The following NFKB1 variants were observed in gnomAD, a reference collection of about 807,000 sequenced individuals.
NFKB1 encodes nuclear factor kappa B subunit 1.
In NFKB1, 9 loss-of-function variants were observed where a neutral mutation model predicts 105.1. That is an observed-to-expected ratio of 0.09 (90% CI 0.05 to 0.15). The LOEUF (loss-of-function observed/expected upper bound fraction) is 0.15. Among genes scored for constraint, NFKB1 ranks in the 10% least tolerant of loss-of-function variants. The probability of loss-of-function intolerance (pLI) is 1.00; values close to 1 mark genes in which losing one functional copy is unlikely to be tolerated. For synonymous variants in NFKB1, 440 were observed against 442.2 expected (o/e 1.00, Z 0.06); for missense variants, 830 against 1,203.7 (o/e 0.69, Z 4.59).
intron 5 of NFKB1, among the ~76,000 whole-genome samples, chr4:102,563,819 C>CTTTT (rs34134600): frequency 8.0e-5 from 10 of 124,586 alleles, no homozygotes; most frequent in African/African-American, 1.9e-4. Context: ...AAGCTTAACT[C>CTTTT]TTTTTTTTTT....
At chr4:102,590,980 T>G (rs1726121125) in intron 11 of NFKB1, among the ~76,000 whole-genome samples, 1 of 152,156 alleles carries the variant, frequency 6.6e-6, no homozygotes, top group Non-Finnish European at 1.5e-5. Context: ...AGAAAGGCCT[T>G]AACTCTCTTC....
intron 9 of NFKB1, among the ~76,000 whole-genome samples, chr4:102,581,883 T>C (rs944590203): frequency 2.0e-5 from 3 of 152,234 alleles, no homozygotes; most frequent in African/African-American, 7.2e-5. Context: ...CTAGGTCCAG[T>C]GTAGTCCTAC....
chr4:102,543,927 T>G (rs1028174347), intron 5 of NFKB1, among the ~76,000 whole-genome samples: 2 of 152,290 alleles, frequency 1.3e-5, no homozygotes, highest in African/African-American at 2.4e-5. Flanking sequence ...CCTAAGCTGT[T>G]CACTGCGCAA....
intron 16 of NFKB1, among the ~76,000 whole-genome samples, chr4:102,603,398 T>C (rs1727386503): frequency 6.6e-6 from 1 of 151,768 alleles, no homozygotes; most frequent in South Asian, 2.1e-4. Context: ...TTTTATATCC[T>C]AAACTCTTTA....
At chr4:102,506,587 C>T (rs1739430722) in intron 1 of NFKB1, among the ~76,000 whole-genome samples, 1 of 152,152 alleles carries the variant, frequency 6.6e-6, no homozygotes, top group East Asian at 1.9e-4. Context: ...AAAAGTTGGC[C>T]TTGAATTTCT....
At chr4:102,580,196 AGTCTTGACCTCATT>A (rs1317231214) in intron 8 of NFKB1, among the ~76,000 whole-genome samples, 2 of 152,210 alleles carry the variant, frequency 1.3e-5, no homozygotes, top group African/African-American at 4.8e-5. Context: ...TTGGAATTGA[AGTCTTGACCTCATT>A]GAAAGCCCAG....
At chr4:102,594,434 G>C (rs4648058) in intron 12 of NFKB1, among the ~76,000 whole-genome samples, 47,337 of 152,094 alleles carry the variant, frequency 0.31, 7,741 homozygotes, top group East Asian at 0.43. Context: ...CCAAAGAGTT[G>C]TACCAGTTTA....
At chr4:102,567,428 A>C (rs1293339980) in intron 6 of NFKB1, among the ~76,000 whole-genome samples, 1 of 152,218 alleles carries the variant, frequency 6.6e-6, no homozygotes. Context: ...CTTGACCTAC[A>C]AGGTATTTGT....
intron 6 of NFKB1, among the ~76,000 whole-genome samples, chr4:102,574,531 T>C (rs1405999939): frequency 6.6e-6 from 1 of 152,142 alleles, no homozygotes; most frequent in Non-Finnish European, 1.5e-5. Flanking sequence ...TTTAGCCTCC[T>C]TGGCTTCCTC....
At chr4:102,586,109 A>G (rs541741042) in intron 11 of NFKB1, among the ~76,000 whole-genome samples, 1 of 152,308 alleles carries the variant, frequency 6.6e-6, no homozygotes, top group South Asian at 2.1e-4. Context: ...ATGAGTCAGA[A>G]GAGTAATGCA....
At chr4:102,577,145 C>A in intron 7 of NFKB1, 106 bp downstream of exon 7, 1 of 1,148,974 alleles carries the variant, frequency 8.7e-7, no homozygotes, top group Non-Finnish European at 1.2e-6. Context: ...CTACCCCACA[C>A]TGCTGTCACC....
chr4:102,594,156 G>A (rs4648055), intron 12 of NFKB1, among the ~76,000 whole-genome samples: 37,912 of 152,050 alleles, frequency 0.25, 5,902 homozygotes, highest in East Asian at 0.43. Flanking sequence ...TAGGTGCAAC[G>A]TTTACCTGAG....
At chr4:102,551,365 T>TGC (rs35449997) in intron 5 of NFKB1, among the ~76,000 whole-genome samples, 64 of 127,608 alleles carry the variant, frequency 5.0e-4, no homozygotes, top group South Asian at 4.6e-3. Context: ...TGTGTGTGTG[T>TGC]GTGCGCGCGC....
chr4:102,551,963 A>G (rs1254543811), intron 5 of NFKB1, among the ~76,000 whole-genome samples: 2 of 152,224 alleles, frequency 1.3e-5, no homozygotes, highest in African/African-American at 2.4e-5. Flanking sequence ...GCATGCAAAG[A>G]GATCTAGGAG....
intron 20 of NFKB1, 84 bp from the exon 21 acceptor site, chr4:102,611,960 G>A (rs1389219968): frequency 1.9e-6 from 2 of 1,079,446 alleles, no homozygotes; most frequent in Non-Finnish European, 1.4e-6. Context: ...AGGAGGACAT[G>A]CTGAGTTGTT....
chr4:102,573,637 A>T (rs1724568930), intron 6 of NFKB1, among the ~76,000 whole-genome samples: 1 of 150,836 alleles, frequency 6.6e-6, no homozygotes, highest in African/African-American at 2.4e-5. Context: ...TTTTCTGTCC[A>T]CTCCTCTTCA....
At chr4:102,602,305 C>T (rs1260691834) in intron 16 of NFKB1, among the ~76,000 whole-genome samples, 2 of 150,984 alleles carry the variant, frequency 1.3e-5, no homozygotes, top group Non-Finnish European at 2.9e-5. Flanking sequence ...CCGAGGCAGG[C>T]GGATCATGAG....
intron 5 of NFKB1, among the ~76,000 whole-genome samples, chr4:102,556,649 C>A (rs991455016): frequency 6.6e-6 from 1 of 152,154 alleles, no homozygotes; most frequent in African/African-American, 2.4e-5. Context: ...GGATTACTTA[C>A]ATTTGCAAAG....
intron 2 of NFKB1, among the ~76,000 whole-genome samples, chr4:102,527,228 G>C (rs1285097081): frequency 6.6e-6 from 1 of 152,210 alleles, no homozygotes; most frequent in Admixed American, 6.5e-5. Context: ...TGCTGTAGTA[G>C]TAGTCTGCGC....
Sources: gnomAD v4.1 joint callset for allele counts (sites outside exome capture counted in the v4.1 genomes callset) on GRCh38, gnomAD v4.1.1 for gene constraint, MANE v1.5 for transcripts, NCBI Gene and HGNC (gene_info 2026-07-23, HGNC 2026-07-21) for gene names.